Variants in FBXL7 observed in about 807,000 individuals in gnomAD.
The protein encoded by FBXL7 is F-box and leucine rich repeat protein 7, also known as F-box/LRR-repeat protein 7.
Under a neutral mutation model 38.3 loss-of-function variants are expected in FBXL7, and 12 were observed. The observed-to-expected ratio is 0.31, with a 90% CI of 0.20 to 0.51. The LOEUF is 0.51. Among genes scored for constraint, FBXL7 ranks in the 20% least tolerant of loss-of-function variants. The pLI is 0.98. For synonymous variants in FBXL7, 297 were observed against 300.9 expected (o/e 0.99, Z 0.13); for missense variants, 567 against 676.4 (o/e 0.84, Z 1.79).
At chr5:15,729,894 A>C (rs1290661552) in intron 2 of FBXL7, among the ~76,000 whole-genome samples, 1 of 152,190 alleles carries the variant, frequency 6.6e-6, no homozygotes, top group African/African-American at 2.4e-5. Context: ...GAAGTGAAGT[A>C]AGTCAATCGG....
At chr5:15,673,853 A>G in intron 2 of FBXL7, among the ~76,000 whole-genome samples, 1 of 152,094 alleles carries the variant, frequency 6.6e-6, no homozygotes, top group East Asian at 1.9e-4. Context: ...TTAAACCTCA[A>G]AGTTAACTCC....
intron 2 of FBXL7, among the ~76,000 whole-genome samples, chr5:15,719,973 C>A (rs141772016): frequency 6.7e-6 from 1 of 149,028 alleles, no homozygotes; most frequent in African/African-American, 2.4e-5. Context: ...TGCGTATTCC[C>A]TATCAGTAGC....
chr5:15,810,999 T>G (rs1561135438), intron 2 of FBXL7, among the ~76,000 whole-genome samples: 1 of 152,154 alleles, frequency 6.6e-6, no homozygotes, highest in Non-Finnish European at 1.5e-5. Context: ...GATGCTTGAG[T>G]AAAGTTAAAA....
chr5:15,730,288 G>T (rs1334793980), intron 2 of FBXL7, among the ~76,000 whole-genome samples: 1 of 152,018 alleles, frequency 6.6e-6, no homozygotes, highest in Non-Finnish European at 1.5e-5. Flanking sequence ...AACTGATCAT[G>T]TTTGCCTATT....
At chr5:15,746,048 T>C (rs1736006489) in intron 2 of FBXL7, among the ~76,000 whole-genome samples, 1 of 152,178 alleles carries the variant, frequency 6.6e-6, no homozygotes, top group South Asian at 2.1e-4. Context: ...CGGTCTGTGA[T>C]CTCTGTTAGA....
rs545761078 is a variant in FBXL7 at position 15,538,265 on chromosome 5, C to T, written c.37+37552C>T. Among the ~76,000 whole-genome samples the T allele has an allele frequency of 4.6e-5, 7 of 152,228 alleles. No homozygotes were observed. The South Asian group carries it at 6.2e-4, about 14-fold the overall frequency. On this transcript the variant is annotated intron_variant, in intron 1 of 3. Coordinates refer to ENST00000504595, the MANE Select transcript of FBXL7 (RefSeq NM_012304.5). ...GAGAAAAACAGTTTGAAGTGTATAACGACCTACAGGAAAAAATTCCTGATC... is the reference window on the plus strand; with the variant it reads ...GAGAAAAACAGTTTGAAGTGTATAATGACCTACAGGAAAAAATTCCTGATC...
chr5:15,859,500 GGT>G (rs1739380619), intron 2 of FBXL7, among the ~76,000 whole-genome samples: 1 of 152,116 alleles, frequency 6.6e-6, no homozygotes, highest in African/African-American at 2.4e-5. Context: ...TAAAGGAAAG[GGT>G]TTTAATTGAC....
At chr5:15,558,072 G>T (rs1738304272) in intron 1 of FBXL7, among the ~76,000 whole-genome samples, 1 of 152,022 alleles carries the variant, frequency 6.6e-6, no homozygotes. Flanking sequence ...TGGAAATGGT[G>T]GTGATCTTGC....
intron 1 of FBXL7, among the ~76,000 whole-genome samples, chr5:15,533,380 A>G (rs1159523747): frequency 6.6e-6 from 1 of 152,164 alleles, no homozygotes; most frequent in East Asian, 1.9e-4. Flanking sequence ...TAAAGAGGGC[A>G]TGGTGTGTGG....
intron 2 of FBXL7, among the ~76,000 whole-genome samples, chr5:15,835,894 C>G (rs1484141966): frequency 6.6e-6 from 1 of 152,118 alleles, no homozygotes; most frequent in Non-Finnish European, 1.5e-5. Flanking sequence ...CTTGTGGCAT[C>G]CTGGGTAATT....
chr5:15,727,239 T>C (rs184892278), intron 2 of FBXL7, among the ~76,000 whole-genome samples: 4 of 152,306 alleles, frequency 2.6e-5, no homozygotes, highest in Non-Finnish European at 4.4e-5. Flanking sequence ...TGGAGTTATA[T>C]CTCATTGTTA....
chr5:15,545,294 A>C (rs1374076391), intron 1 of FBXL7, among the ~76,000 whole-genome samples: 1 of 152,228 alleles, frequency 6.6e-6, no homozygotes, highest in Non-Finnish European at 1.5e-5. Flanking sequence ...TAGTTCTCCT[A>C]AGTTAACATA....
At chr5:15,592,376 T>C (rs1457381791) in intron 1 of FBXL7, among the ~76,000 whole-genome samples, 1 of 152,182 alleles carries the variant, frequency 6.6e-6, no homozygotes, top group East Asian at 1.9e-4. Context: ...TCATGGGCAA[T>C]TTAAGTTCCT....
At chr5:15,560,574 C>T (rs568571066) in intron 1 of FBXL7, among the ~76,000 whole-genome samples, 1 of 152,244 alleles carries the variant, frequency 6.6e-6, no homozygotes, top group South Asian at 2.1e-4. Flanking sequence ...TAATGGACTC[C>T]TTAAGTGAAT....
At chr5:15,505,734 C>T (rs192421552) in intron 1 of FBXL7, among the ~76,000 whole-genome samples, 1 of 152,276 alleles carries the variant, frequency 6.6e-6, no homozygotes, top group African/African-American at 2.4e-5. Flanking sequence ...GGCATTTAGA[C>T]CAAGACCTGA....
chr5:15,767,794 T>C (rs1736627615), intron 2 of FBXL7, among the ~76,000 whole-genome samples: 1 of 152,202 alleles, frequency 6.6e-6, no homozygotes, highest in Non-Finnish European at 1.5e-5. Context: ...CAAAAACAAA[T>C]GCCCTTGGCA....
At chr5:15,510,508 G>A (rs1039221762) in intron 1 of FBXL7, among the ~76,000 whole-genome samples, 1 of 152,138 alleles carries the variant, frequency 6.6e-6, no homozygotes, top group Non-Finnish European at 1.5e-5. Context: ...GCTGTCAGTG[G>A]TAACTCAGAC....
At chr5:15,839,026 A>G (rs1178673799) in intron 2 of FBXL7, among the ~76,000 whole-genome samples, 4 of 150,838 alleles carry the variant, frequency 2.7e-5, no homozygotes, top group Non-Finnish European at 5.9e-5. Flanking sequence ...TTGCAGTTCC[A>G]CTCAAGTTTC....
At chr5:15,765,701 A>G (rs1050177908) in intron 2 of FBXL7, among the ~76,000 whole-genome samples, 5 of 152,096 alleles carry the variant, frequency 3.3e-5, no homozygotes, top group South Asian at 2.1e-4. Flanking sequence ...CACCAACAAT[A>G]ATGCCCAGTT....
Sources: allele counts gnomAD v4.1 joint callset (sites outside exome capture counted in the v4.1 genomes callset), GRCh38; gene constraint gnomAD v4.1.1; transcripts MANE v1.5; gene names NCBI Gene and HGNC (gene_info 2026-07-23, HGNC 2026-07-21).